The following MAF variants were observed in gnomAD, a reference collection of about 807,000 sequenced individuals.
MAF encodes transcription factor Maf.
Under a neutral mutation model 22.0 loss-of-function variants are expected in MAF, and 10 were observed. The ratio of observed to expected loss-of-function variants is 0.45; its 90% confidence interval spans 0.28 to 0.77. The LOEUF (loss-of-function observed/expected upper bound fraction) is 0.77. Ranked by LOEUF, MAF falls within the 30% of genes least tolerant of loss-of-function variation. The pLI is 0.12. For missense variants in MAF, 544 were observed against 548.4 expected (o/e 0.99, Z 0.08); for synonymous variants, 337 against 255.8 (o/e 1.32, Z -3.03).
the MAF span, among the ~76,000 whole-genome samples, chr16:79,322,057 C>T: frequency 0.033 from 5,033 of 152,172 alleles, 298 homozygotes; most frequent in African/African-American, 0.12. Flanking sequence ...CACGGCGAAA[C>T]GCCATCTCTA....
At chr16:79,445,315 T>C in the MAF span, among the ~76,000 whole-genome samples, 1 of 152,204 alleles carries the variant, frequency 6.6e-6, no homozygotes, top group Non-Finnish European at 1.5e-5. Context: ...AGTGCTGGGA[T>C]TACAGGCGTG....
the MAF span, among the ~76,000 whole-genome samples, chr16:79,539,630 A>T: frequency 6.6e-6 from 1 of 152,396 alleles, no homozygotes; most frequent in East Asian, 1.9e-4. Context: ...AAGATGTTCA[A>T]TATAGTGTTA....
the MAF span, among the ~76,000 whole-genome samples, chr16:79,490,998 C>T: frequency 1.3e-5 from 2 of 151,962 alleles, no homozygotes; most frequent in African/African-American, 2.4e-5. Context: ...AGGGAAATCA[C>T]GTTGAGAATC....
At chr16:79,588,541 T>C (rs1912998529) in intron 1 of MAF, among the ~76,000 whole-genome samples, 2 of 151,678 alleles carry the variant, frequency 1.3e-5, no homozygotes, top group Admixed American at 1.3e-4. Context: ...TTTTAAGTGA[T>C]TCTCCTGCCT....
At chr16:79,294,589 T>C in the MAF span, among the ~76,000 whole-genome samples, 1 of 152,222 alleles carries the variant, frequency 6.6e-6, no homozygotes, top group Admixed American at 6.5e-5. Context: ...TATACTATTA[T>C]CAGGAAGTAG....
At chr16:79,313,091 T>C in the MAF span, among the ~76,000 whole-genome samples, 1 of 152,122 alleles carries the variant, frequency 6.6e-6, no homozygotes, top group Non-Finnish European at 1.5e-5. Context: ...CTCGGTTTCT[T>C]CGTCTGCAAA....
the MAF span, among the ~76,000 whole-genome samples, chr16:79,413,420 T>C: frequency 6.2e-5 from 9 of 146,072 alleles, no homozygotes; most frequent in African/African-American, 2.0e-4. Flanking sequence ...ATTTTTTTTT[T>C]ATTTTTAGTA....
the MAF span, among the ~76,000 whole-genome samples, chr16:79,518,111 C>A: frequency 6.6e-6 from 1 of 152,190 alleles, no homozygotes; most frequent in Non-Finnish European, 1.5e-5. Context: ...ATTCTCTCAA[C>A]CGTGCTATGA....
the MAF span, among the ~76,000 whole-genome samples, chr16:79,214,875 T>G: frequency 6.6e-6 from 1 of 151,648 alleles, no homozygotes; most frequent in Admixed American, 6.6e-5. Context: ...CACACCTGGC[T>G]AATCTTTGTA....
At chr16:79,265,663 T>G in the MAF span, among the ~76,000 whole-genome samples, 1 of 152,326 alleles carries the variant, frequency 6.6e-6, no homozygotes, top group South Asian at 2.1e-4. Flanking sequence ...CTATTCATAA[T>G]TTCACAAACA....
chr16:79,316,276 A>C, the MAF span, among the ~76,000 whole-genome samples: 1 of 152,170 alleles, frequency 6.6e-6, no homozygotes, highest in African/African-American at 2.4e-5. Flanking sequence ...TGACAAGCTC[A>C]CCACACTCCG....
the MAF span, among the ~76,000 whole-genome samples, chr16:79,515,375 G>C: frequency 0.84 from 127,201 of 152,118 alleles, 53,462 homozygotes; most frequent in East Asian, 0.92. Context: ...AGTAGAAACT[G>C]TACTTTGAAT....
the MAF span, among the ~76,000 whole-genome samples, chr16:79,236,942 C>CA: frequency 7.3e-5 from 5 of 68,054 alleles, no homozygotes; most frequent in Non-Finnish European, 1.1e-4. Context: ...CCATAAATCT[C>CA]GGAAAAAAAA....
the MAF span, chr16:79,212,508 C>T: frequency 5.2e-6 from 1 of 192,910 alleles, no homozygotes; most frequent in African/African-American, 2.3e-5. Context: ...AGCGTATATA[C>T]TTAAGAATAC....
chr16:79,530,491 G>T, the MAF span, among the ~76,000 whole-genome samples: 69 of 152,028 alleles, frequency 4.5e-4, no homozygotes, highest in African/African-American at 1.6e-3. Flanking sequence ...AAATGTATGT[G>T]GAACACACTA....
the MAF span, among the ~76,000 whole-genome samples, chr16:79,288,105 G>A: frequency 6.6e-6 from 1 of 152,234 alleles, no homozygotes; most frequent in East Asian, 1.9e-4. Flanking sequence ...GAGGGCAGAG[G>A]GAGGGTGAAG....
the MAF span, among the ~76,000 whole-genome samples, chr16:79,481,509 T>C: frequency 6.6e-6 from 1 of 152,030 alleles, no homozygotes; most frequent in African/African-American, 2.4e-5. Context: ...TCCATGCCCC[T>C]AACAGTCCCA....
At chr16:79,475,933 T>C in the MAF span, among the ~76,000 whole-genome samples, 1 of 152,208 alleles carries the variant, frequency 6.6e-6, no homozygotes, top group Non-Finnish European at 1.5e-5. Context: ...ATATTATTCC[T>C]GTGATTATGT....
rs764719107 is a variant in MAF at position 79,599,143 on chromosome 16, C to A, written c.760G>T (p.Gly254Cys). 61 of 1,563,798 alleles carry A rather than the reference C, an allele frequency of 3.9e-5. No individual in the cohort carries two copies. Among genetic ancestry groups the A allele is most frequent in the Non-Finnish European group, 5.2e-5 (60 of 1,161,552 alleles). Reference protein sequence around the residue: ...GALHPHHAAGGLHFDDRFSDE... With the variant: ...GALHPHHAAGCLHFDDRFSDE... ...GAGAAGCGGTCGTCGAAGTGCAGGC[C>A]GCCGGCGGCGTGGTGCGGGTGCAGG... The change falls in exon 1 of 2, where the codon GGC becomes TGC. Residue 254 changes from glycine to cysteine, a missense_variant. By Grantham distance (159) the Gly-to-Cys change is radical. This residue lies in a region of MAF where 342 missense variants were observed against 315.5 expected (regional missense o/e 1.08). Coordinates refer to ENST00000326043, the MANE Select transcript of MAF (RefSeq NM_005360.5).
Sources: gnomAD v4.1 joint callset for allele counts (sites outside exome capture counted in the v4.1 genomes callset) on GRCh38, gnomAD v4.1.1 for gene constraint, gnomAD v4.1.1 regional missense constraint, MANE v1.5 for transcripts, NCBI Gene and HGNC (gene_info 2026-07-23, HGNC 2026-07-21) for gene names.